PRR16: variants seen among roughly 807,000 people sequenced by gnomAD.
PRR16 encodes protein Largen.
In PRR16, 6 loss-of-function variants were observed where a neutral mutation model predicts 18.2. The observed-to-expected ratio is 0.33, with a 90% CI of 0.18 to 0.65. The LOEUF is 0.65. Ranked by LOEUF, PRR16 falls within the 30% of genes least tolerant of loss-of-function variation. PRR16 has a pLI of 0.74. For synonymous variants in PRR16, 151 were observed against 147.8 expected (o/e 1.02, Z -0.16); for missense variants, 412 against 376.6 (o/e 1.09, Z -0.78).
At chr5:120,675,748 G>C (rs1756773131) in intron 1 of PRR16, among the ~76,000 whole-genome samples, 1 of 152,092 alleles carries the variant, frequency 6.6e-6, no homozygotes, top group African/African-American at 2.4e-5. Context: ...CAGATGAATA[G>C]TACTTGCACA....
the PRR16 span, among the ~76,000 whole-genome samples, chr5:120,782,312 C>T: frequency 1.1e-4 from 17 of 152,168 alleles, no homozygotes; most frequent in Admixed American, 1.1e-3. Context: ...TCCAAAACCA[C>T]AATCCCTCCA....
At chr5:120,501,098 G>T (rs1750437561) in intron 1 of PRR16, among the ~76,000 whole-genome samples, 1 of 152,020 alleles carries the variant, frequency 6.6e-6, no homozygotes, top group Non-Finnish European at 1.5e-5. Flanking sequence ...GAAGCATAAA[G>T]TTTTTTAATT....
chr5:120,609,016 C>G (rs1278557480), intron 1 of PRR16, among the ~76,000 whole-genome samples: 1 of 152,062 alleles, frequency 6.6e-6, no homozygotes. Context: ...CAAAAGAGAG[C>G]TGATTATTCA....
At chr5:120,645,485 A>G (rs1036984940) in intron 1 of PRR16, among the ~76,000 whole-genome samples, 2 of 134,306 alleles carry the variant, frequency 1.5e-5, no homozygotes, top group Non-Finnish European at 3.0e-5. Context: ...TTGATCAGCT[A>G]TTAGGGGCAA....
At chr5:120,714,044 T>C in the PRR16 span, among the ~76,000 whole-genome samples, 1 of 152,066 alleles carries the variant, frequency 6.6e-6, no homozygotes, top group African/African-American at 2.4e-5. Flanking sequence ...AAAACAATTA[T>C]AAGGAAAAAT....
chr5:120,624,741 G>T (rs978843958), intron 1 of PRR16, among the ~76,000 whole-genome samples: 2 of 152,080 alleles, frequency 1.3e-5, no homozygotes, highest in African/African-American at 4.8e-5. Context: ...AGGTAGAAAG[G>T]CTACTGATAT....
chr5:120,783,723 A>G, the PRR16 span, among the ~76,000 whole-genome samples: 1 of 152,164 alleles, frequency 6.6e-6, no homozygotes, highest in Non-Finnish European at 1.5e-5. Flanking sequence ...TGTTGGGAAC[A>G]TTCCAAACCC....
At chr5:120,482,755 C>T (rs1408251528) in intron 1 of PRR16, among the ~76,000 whole-genome samples, 1 of 152,080 alleles carries the variant, frequency 6.6e-6, no homozygotes, top group Non-Finnish European at 1.5e-5. Context: ...AGAGTAAGAA[C>T]CTTGTATGCC....
downstream of PRR16, among the ~76,000 whole-genome samples, chr5:120,689,521 C>G (rs1003801418): frequency 2.0e-5 from 3 of 152,126 alleles, no homozygotes; most frequent in African/African-American, 7.2e-5. Context: ...ATGTTTTCCT[C>G]AAATACTTGA....
At chr5:120,717,297 C>T in the PRR16 span, among the ~76,000 whole-genome samples, 1 of 152,056 alleles carries the variant, frequency 6.6e-6, no homozygotes, top group Non-Finnish European at 1.5e-5. Flanking sequence ...TTGTATATGT[C>T]TTTAGCCAGA....
the PRR16 span, among the ~76,000 whole-genome samples, chr5:120,750,185 T>C: frequency 6.6e-6 from 1 of 152,098 alleles, no homozygotes; most frequent in Non-Finnish European, 1.5e-5. Flanking sequence ...TAAAAGAGCT[T>C]CTTGAAAAAA....
downstream of PRR16, among the ~76,000 whole-genome samples, chr5:120,689,459 A>G (rs1057274040): frequency 2.0e-5 from 3 of 152,196 alleles, no homozygotes; most frequent in African/African-American, 2.4e-5. Flanking sequence ...CATCCATTAA[A>G]TCATCATAAA....
At chr5:120,628,288 A>G (rs1442068724) in intron 1 of PRR16, among the ~76,000 whole-genome samples, 3 of 152,062 alleles carry the variant, frequency 2.0e-5, no homozygotes, top group Non-Finnish European at 2.9e-5. Flanking sequence ...ACACTTTTCT[A>G]GTTATATTTA....
At chr5:120,481,150 T>C in intron 1 of PRR16, 1 of 1,077,324 alleles carries the variant, frequency 9.3e-7, no homozygotes. Flanking sequence ...ATATATCTTA[T>C]TTTATTTTTT....
At chr5:120,637,324 A>C (rs1363981690) in intron 1 of PRR16, among the ~76,000 whole-genome samples, 2 of 149,514 alleles carry the variant, frequency 1.3e-5, no homozygotes, top group African/African-American at 4.9e-5. Flanking sequence ...ACGGAAAAAA[A>C]AAAAAAAAAA....
chr5:120,563,590 TC>T lies in PRR16; in HGVS notation c.159+98946del, dbSNP rs547432697. Among the ~76,000 whole-genome samples, 25 of 152,278 alleles carry T rather than the reference TC, an allele frequency of 1.6e-4. No individual in the cohort carries two copies. In the South Asian group the frequency reaches 5.0e-3, roughly 30 times the overall value. ...CATTTAAAGCCTAAGGGATCTTCATTCAGCTTGTGGTGAATGCTGCCATGTT... is the reference window on the plus strand; with the variant it reads ...CATTTAAAGCCTAAGGGATCTTCATTAGCTTGTGGTGAATGCTGCCATGTT... On this transcript the variant is annotated intron_variant, in intron 1 of 1. Transcript: ENST00000407149.
chr5:120,728,059 AATT>A, the PRR16 span, among the ~76,000 whole-genome samples: 4 of 151,944 alleles, frequency 2.6e-5, no homozygotes, highest in Non-Finnish European at 4.4e-5. Context: ...CACATGAAAA[AATT>A]ATTATATAGA....
chr5:120,717,936 A>G, the PRR16 span, among the ~76,000 whole-genome samples: 1 of 152,156 alleles, frequency 6.6e-6, no homozygotes, highest in Non-Finnish European at 1.5e-5. Flanking sequence ...TCAGTACTAA[A>G]TATGTAAAGT....
chr5:120,792,705 A>G, the PRR16 span, among the ~76,000 whole-genome samples: 46 of 152,298 alleles, frequency 3.0e-4, no homozygotes, highest in African/African-American at 1.1e-3. Flanking sequence ...AGTGCTCACT[A>G]TGGGACATGA....
Sources: allele counts gnomAD v4.1 joint callset (sites outside exome capture counted in the v4.1 genomes callset), GRCh38; gene constraint gnomAD v4.1.1; transcripts MANE v1.5; gene names NCBI Gene and HGNC (gene_info 2026-07-23, HGNC 2026-07-21).